Variants in VWC2L observed in about 807,000 individuals in gnomAD.
VWC2L encodes the protein von Willebrand factor C domain-containing protein 2-like.
In VWC2L, 10 loss-of-function variants were observed where a neutral mutation model predicts 21.6. The observed-to-expected ratio is 0.46, with a 90% CI of 0.29 to 0.78. The LOEUF is 0.78. VWC2L is among the 30% of genes least tolerant of loss of function. The pLI, the probability that VWC2L is intolerant of heterozygous loss-of-function variation, is 0.10. For missense variants in VWC2L, 209 were observed against 277.1 expected (o/e 0.75, Z 1.74); for synonymous variants, 96 against 94.3 (o/e 1.02, Z -0.10).
At chr2:214,504,260 G>A (rs967632055) in intron 3 of VWC2L, among the ~76,000 whole-genome samples, 1 of 152,182 alleles carries the variant, frequency 6.6e-6, no homozygotes, top group Non-Finnish European at 1.5e-5. Flanking sequence ...CAGAAAATGC[G>A]AGATAGTTTG....
intron 2 of VWC2L, among the ~76,000 whole-genome samples, chr2:214,433,159 G>GAT (rs5838434): frequency 0.025 from 3,309 of 132,922 alleles, 114 homozygotes; most frequent in South Asian, 0.12. Flanking sequence ...CAAGCCACCT[G>GAT]ATATATATAT....
intron 3 of VWC2L, among the ~76,000 whole-genome samples, chr2:214,532,769 C>G (rs1172688061): frequency 6.6e-6 from 1 of 152,100 alleles, no homozygotes; most frequent in Non-Finnish European, 1.5e-5. Context: ...GGGTGAAGAG[C>G]AGTGAGCAGA....
At chr2:214,522,810 T>C (rs142547397) in intron 3 of VWC2L, among the ~76,000 whole-genome samples, 34 of 152,324 alleles carry the variant, frequency 2.2e-4, no homozygotes, top group Non-Finnish European at 4.3e-4. Context: ...TTTCAAATTG[T>C]TGTTTTTGTT....
chr2:214,519,279 T>C (rs191982056), intron 3 of VWC2L, among the ~76,000 whole-genome samples: 10 of 152,252 alleles, frequency 6.6e-5, no homozygotes, highest in African/African-American at 2.4e-4. Context: ...AAAAAATTTA[T>C]GAAGCACCCA....
At chr2:214,455,970 G>A (rs1202558397) in intron 3 of VWC2L, among the ~76,000 whole-genome samples, 6 of 152,094 alleles carry the variant, frequency 3.9e-5, no homozygotes, top group Middle Eastern at 3.4e-3. Flanking sequence ...TCCCTATCTT[G>A]GCTATTGTGA....
At chr2:214,562,641 T>C (rs1425747438) in intron 3 of VWC2L, among the ~76,000 whole-genome samples, 3 of 152,188 alleles carry the variant, frequency 2.0e-5, no homozygotes, top group Admixed American at 1.3e-4. Flanking sequence ...CTCACCAGCA[T>C]CTTTTTAATA....
intron 3 of VWC2L, among the ~76,000 whole-genome samples, chr2:214,531,252 T>C (rs1689430773): frequency 6.6e-6 from 1 of 152,172 alleles, no homozygotes; most frequent in Non-Finnish European, 1.5e-5. Flanking sequence ...TGTAGGACTT[T>C]TGACGAGTAA....
At chr2:214,540,618 C>A (rs1000024065) in intron 3 of VWC2L, among the ~76,000 whole-genome samples, 1 of 152,164 alleles carries the variant, frequency 6.6e-6, no homozygotes. Flanking sequence ...TTATTCAATG[C>A]TAATGAACAG....
chr2:214,417,240 C>T (rs543530149), intron 2 of VWC2L, among the ~76,000 whole-genome samples: 1 of 152,184 alleles, frequency 6.6e-6, no homozygotes, highest in East Asian at 1.9e-4. Context: ...ATTTATCAGA[C>T]CGTTCAGTAG....
intron 3 of VWC2L, among the ~76,000 whole-genome samples, chr2:214,508,444 G>A (rs1364639363): frequency 1.3e-5 from 2 of 152,056 alleles, no homozygotes; most frequent in South Asian, 2.1e-4. Flanking sequence ...TTATTGTCAA[G>A]GTTGATAACA....
chr2:214,435,520 A>C (rs1252984966), intron 2 of VWC2L, among the ~76,000 whole-genome samples: 1 of 152,218 alleles, frequency 6.6e-6, no homozygotes, highest in African/African-American at 2.4e-5. Context: ...TGAGTTGAGA[A>C]GCACTGATAT....
At chr2:214,416,860 G>A (rs951745940) in intron 2 of VWC2L, among the ~76,000 whole-genome samples, 4 of 151,948 alleles carry the variant, frequency 2.6e-5, no homozygotes, top group South Asian at 2.1e-4. Context: ...TTGTGATGAC[G>A]GGTACACAAT....
chr2:214,529,216 T>C (rs1290540004), intron 3 of VWC2L, among the ~76,000 whole-genome samples: 3 of 152,118 alleles, frequency 2.0e-5, no homozygotes, highest in Non-Finnish European at 4.4e-5. Context: ...GAACGTGTTG[T>C]ATGGCAAGGC....
At chr2:214,516,608 C>CT (rs1689147317) in intron 3 of VWC2L, among the ~76,000 whole-genome samples, 1 of 151,044 alleles carries the variant, frequency 6.6e-6, no homozygotes, top group African/African-American at 2.4e-5. Context: ...TTATGCATAG[C>CT]TTATCGTTAA....
chr2:214,456,059 G>A (rs778186198), intron 3 of VWC2L, among the ~76,000 whole-genome samples: 5 of 152,128 alleles, frequency 3.3e-5, no homozygotes, highest in South Asian at 2.1e-4. Context: ...ATACACAGTA[G>A]TGGAATTGCT....
intron 3 of VWC2L, among the ~76,000 whole-genome samples, chr2:214,568,865 G>A (rs1044549136): frequency 6.6e-6 from 1 of 152,096 alleles, no homozygotes; most frequent in Non-Finnish European, 1.5e-5. Flanking sequence ...CCAACAGCCT[G>A]GTATCTTAAT....
intron 3 of VWC2L, among the ~76,000 whole-genome samples, chr2:214,482,423 T>C (rs953133394): frequency 1.3e-5 from 2 of 152,076 alleles, no homozygotes; most frequent in Admixed American, 1.3e-4. Flanking sequence ...GAGAAAATTT[T>C]TTCTGTCTCT....
At chr2:214,494,778 C>CTT (rs58706998) in intron 3 of VWC2L, among the ~76,000 whole-genome samples, 8 of 146,998 alleles carry the variant, frequency 5.4e-5, no homozygotes, top group African/African-American at 2.0e-4. Context: ...GCACTAGGTA[C>CTT]TTTTTTTTTT....
intron 3 of VWC2L, among the ~76,000 whole-genome samples, chr2:214,490,977 C>T (rs574857112): frequency 3.3e-5 from 5 of 152,164 alleles, no homozygotes; most frequent in East Asian, 1.9e-4. Context: ...ATGACATTTC[C>T]GGAATATGTA....
Sources: gnomAD v4.1 joint callset for allele counts (sites outside exome capture counted in the v4.1 genomes callset) on GRCh38, gnomAD v4.1.1 for gene constraint, MANE v1.5 for transcripts, NCBI Gene and HGNC (gene_info 2026-07-23, HGNC 2026-07-21) for gene names.